ADAMTSL1: variants seen among roughly 807,000 people sequenced by gnomAD.
ADAMTSL1 encodes the protein ADAMTS-like protein 1.
ADAMTSL1 carries 126 observed loss-of-function variants against 201.8 expected under a neutral mutation model. The observed-to-expected ratio is 0.62, with a 90% CI of 0.54 to 0.72. ADAMTSL1 has a LOEUF of 0.72. Among genes scored for constraint, ADAMTSL1 ranks in the 30% least tolerant of loss-of-function variants. The pLI is 0.00. For missense variants in ADAMTSL1, 2,679 were observed against 2,277.8 expected, an observed-to-expected ratio of 1.18 and a Z score of -3.59; for synonymous variants, 1,121 against 903.4, an observed-to-expected ratio of 1.24 and a Z score of -4.32.
At position 18,826,271 on chromosome 9, in the gene ADAMTSL1, T is replaced by G. The variant is rs753070291; in HGVS notation, c.3935-13T>G. ...GATGAGTGGGGTTTTTTGTTTTTTTTTTTTCTTCCTAGGAGTGCCTGAAGC... is the reference window on the plus strand; with the variant it reads ...GATGAGTGGGGTTTTTTGTTTTTTTGTTTTCTTCCTAGGAGTGCCTGAAGC... On this transcript the variant is annotated splice_polypyrimidine_tract_variant and intron_variant, in intron 21 of 28. Coordinates refer to ENST00000380548, the MANE Select transcript of ADAMTSL1 (RefSeq NM_001040272.6). 3.8e-6 allele frequency: 6 copies of G among 1,595,940 alleles called. No individual in the cohort carries two copies. Among genetic ancestry groups the G allele is most frequent in the South Asian group, 1.1e-5 (1 of 88,274 alleles).
chr9:18,072,258 C>T (rs753950247), intron 1 of ADAMTSL1, among the ~76,000 whole-genome samples: 1 of 152,070 alleles, frequency 6.6e-6, no homozygotes, highest in East Asian at 1.9e-4. Flanking sequence ...GGCTTCTTAC[C>T]ACTGTTATGC....
chr9:18,725,061 C>T (rs1817787695), intron 15 of ADAMTSL1, among the ~76,000 whole-genome samples: 1 of 152,168 alleles, frequency 6.6e-6, no homozygotes. Flanking sequence ...CGCCCACCAC[C>T]ACGCCTGGCT....
chr9:18,661,796 C>T, intron 8 of ADAMTSL1, 139 bp from the exon 9 acceptor site: 2 of 888,858 alleles, frequency 2.3e-6, no homozygotes, highest in African/African-American at 3.4e-5. Flanking sequence ...ATGAGCCTTC[C>T]AATTATGTGT....
intron 2 of ADAMTSL1, among the ~76,000 whole-genome samples, chr9:18,467,769 A>G (rs185020380): frequency 1.3e-5 from 2 of 152,198 alleles, no homozygotes; most frequent in Non-Finnish European, 2.9e-5. Context: ...AAGTATTTCA[A>G]TCGAGGTGGA....
At chr9:18,231,149 T>C (rs113660760) in intron 2 of ADAMTSL1, among the ~76,000 whole-genome samples, 1,527 of 152,228 alleles carry the variant, frequency 0.01, 22 homozygotes, top group African/African-American at 0.034. Context: ...TCCTTCAGGG[T>C]AACTACTTGG....
intron 1 of ADAMTSL1, among the ~76,000 whole-genome samples, chr9:18,075,341 C>T (rs1447755607): frequency 1.3e-5 from 2 of 152,156 alleles, no homozygotes; most frequent in Admixed American, 6.5e-5. Context: ...GAAGTGAGGT[C>T]ACAGTCAATG....
intron 2 of ADAMTSL1, among the ~76,000 whole-genome samples, chr9:18,213,455 C>T (rs947605491): frequency 6.6e-6 from 1 of 152,138 alleles, no homozygotes; most frequent in Admixed American, 6.6e-5. Flanking sequence ...TCCGTTAGAA[C>T]TTAGTGAGAA....
intron 2 of ADAMTSL1, among the ~76,000 whole-genome samples, chr9:18,252,916 T>C (rs1369483548): frequency 2.0e-5 from 3 of 152,220 alleles, no homozygotes; most frequent in Admixed American, 6.5e-5. Flanking sequence ...CAGCAGGAGA[T>C]AAACATATGT....
intron 2 of ADAMTSL1, among the ~76,000 whole-genome samples, chr9:18,334,416 T>C (rs930984052): frequency 6.6e-6 from 1 of 152,182 alleles, no homozygotes; most frequent in Non-Finnish European, 1.5e-5. Flanking sequence ...ATATATTACA[T>C]TGTGAATTAT....
chr9:18,270,663 A>T (rs1310549845), intron 2 of ADAMTSL1, among the ~76,000 whole-genome samples: 1 of 152,182 alleles, frequency 6.6e-6, no homozygotes, highest in East Asian at 1.9e-4. Context: ...AGTAACCTTA[A>T]ACATATATAC....
At chr9:18,085,615 A>G (rs901662686) in intron 1 of ADAMTSL1, among the ~76,000 whole-genome samples, 15 of 150,280 alleles carry the variant, frequency 1.0e-4, no homozygotes, top group African/African-American at 3.4e-4. Context: ...CTGTGTGTGT[A>G]TACGTATATA....
At chr9:18,207,987 G>C (rs755204171) in intron 2 of ADAMTSL1, among the ~76,000 whole-genome samples, 1 of 152,152 alleles carries the variant, frequency 6.6e-6, no homozygotes, top group Non-Finnish European at 1.5e-5. Context: ...CAGCACCTGG[G>C]AACCAGGTGA....
chr9:18,414,168 C>G (rs1415642266), intron 2 of ADAMTSL1, among the ~76,000 whole-genome samples: 1 of 151,964 alleles, frequency 6.6e-6, no homozygotes, highest in Non-Finnish European at 1.5e-5. Context: ...ATCACTTAAT[C>G]AATTTTAATT....
At chr9:18,690,281 C>T (rs1188154405) in intron 13 of ADAMTSL1, among the ~76,000 whole-genome samples, 1 of 151,902 alleles carries the variant, frequency 6.6e-6, no homozygotes, top group Non-Finnish European at 1.5e-5. Context: ...TATTTATACC[C>T]AATAAGTAGT....
intron 2 of ADAMTSL1, among the ~76,000 whole-genome samples, chr9:18,263,444 G>A (rs976001787): frequency 7.2e-5 from 11 of 151,902 alleles, no homozygotes; most frequent in African/African-American, 2.7e-4. Flanking sequence ...CAATGTTGGC[G>A]TCACCTGGTG....
At chr9:18,773,698 G>A (rs1041424195) in intron 17 of ADAMTSL1, among the ~76,000 whole-genome samples, 1 of 152,176 alleles carries the variant, frequency 6.6e-6, no homozygotes, top group Admixed American at 6.5e-5. Context: ...CCTTATTCCA[G>A]AGATATGGAA....
intron 23 of ADAMTSL1, among the ~76,000 whole-genome samples, chr9:18,870,900 T>C (rs902396871): frequency 1.1e-4 from 17 of 152,206 alleles, no homozygotes; most frequent in Admixed American, 9.2e-4. Context: ...TCAGTCAAGT[T>C]GTTTTAAGAG....
intron 1 of ADAMTSL1, among the ~76,000 whole-genome samples, chr9:18,148,375 G>A (rs1229497434): frequency 6.6e-6 from 1 of 150,684 alleles, no homozygotes; most frequent in Non-Finnish European, 1.5e-5. Flanking sequence ...ACAGGGTAGA[G>A]GAATTTATTT....
At chr9:18,151,083 T>C (rs1826888267) in intron 1 of ADAMTSL1, among the ~76,000 whole-genome samples, 1 of 151,972 alleles carries the variant, frequency 6.6e-6, no homozygotes, top group Non-Finnish European at 1.5e-5. Context: ...TGTGTTATGG[T>C]GGCTTCTGTG....
Sources: gnomAD v4.1 joint callset for allele counts (sites outside exome capture counted in the v4.1 genomes callset) on GRCh38, gnomAD v4.1.1 for gene constraint, MANE v1.5 for transcripts, NCBI Gene and HGNC (gene_info 2026-07-23, HGNC 2026-07-21) for gene names.